The following FUT8 variants were observed in gnomAD, a reference collection of about 807,000 sequenced individuals.
FUT8 encodes alpha-(1,6)-fucosyltransferase.
In FUT8, 29 loss-of-function variants were observed where a neutral mutation model predicts 71.3. The ratio of observed to expected loss-of-function variants is 0.41; its 90% CI spans 0.30 to 0.55. FUT8 has a LOEUF of 0.55. Ranked by LOEUF, FUT8 falls within the 20% of genes least tolerant of loss-of-function variation. The pLI is 0.34. For missense variants in FUT8, 544 were observed against 702.1 expected (o/e 0.77, Z 2.55); for synonymous variants, 254 against 239.3 (o/e 1.06, Z -0.57).
intron 2 of FUT8, among the ~76,000 whole-genome samples, chr14:65,528,186 G>A: frequency 6.6e-6 from 1 of 152,222 alleles, no homozygotes; most frequent in East Asian, 1.9e-4. Context: ...TTGAGCTGCG[G>A]TGGACTCCAC....
intron 5 of FUT8, among the ~76,000 whole-genome samples, chr14:65,628,430 GGTGGAAGCAGGGAGACCTT>G (rs1202113919): frequency 6.6e-6 from 1 of 152,194 alleles, no homozygotes; most frequent in Non-Finnish European, 1.5e-5. Flanking sequence ...TGTAGGCAAT[GGTGGAAGCAGGGAGACCTT>G]GTTAGGAGGT....
chr14:65,725,345 C>T (rs1051888640), intron 9 of FUT8, among the ~76,000 whole-genome samples: 3 of 152,156 alleles, frequency 2.0e-5, no homozygotes, highest in African/African-American at 7.2e-5. Flanking sequence ...AATTACCCTA[C>T]AGTTGAGTAA....
chr14:65,700,274 C>T (rs1894215200), intron 7 of FUT8, among the ~76,000 whole-genome samples: 2 of 151,446 alleles, frequency 1.3e-5, no homozygotes, highest in Non-Finnish European at 2.9e-5. Context: ...AACATTTCAT[C>T]TCTGACTTTC....
chr14:65,426,807 A>G (rs1184352303), intron 1 of FUT8, among the ~76,000 whole-genome samples: 1 of 152,216 alleles, frequency 6.6e-6, no homozygotes, highest in Non-Finnish European at 1.5e-5. Context: ...TTAAAAGCTG[A>G]ATATGAATCC....
At chr14:65,462,874 C>T (rs77158535) in intron 2 of FUT8, among the ~76,000 whole-genome samples, 2,257 of 152,234 alleles carry the variant, frequency 0.015, 30 homozygotes, top group Non-Finnish European at 0.026. Flanking sequence ...GGAGAAAGGA[C>T]GGATTTTTAT....
In FUT8 at chr14:65,743,896, A is replaced by T. The variant is rs911760081; in HGVS notation, c.*1486A>T. On this transcript the variant is annotated 3_prime_UTR_variant, in exon 11 of 11. Transcript: ENST00000673929. ...AAATGTCATCTCTGTAGGAGCGACT[A>T]TCAGGCCTAGTGTGAAATATTAGGG... 2 of 151,976 alleles carry T rather than the reference A, an allele frequency of 1.3e-5. No homozygotes were observed. The highest frequency in any genetic ancestry group is 1.3e-4 in the Admixed American group (2 of 15,250). The allele number at this position is 151,976 out of a possible 1,614,324, so 9.4% of individuals were successfully genotyped here. A position where few individuals can be genotyped will look rare whatever the true frequency, so the allele number is the denominator to read the frequency against.
chr14:65,703,355 A>G (rs1224878286), intron 7 of FUT8, among the ~76,000 whole-genome samples: 3 of 152,150 alleles, frequency 2.0e-5, no homozygotes, highest in Non-Finnish European at 4.4e-5. Flanking sequence ...CTTTTGCTTC[A>G]TAGTTCTTTT....
intron 7 of FUT8, among the ~76,000 whole-genome samples, chr14:65,673,596 A>G (rs909871706): frequency 2.0e-5 from 3 of 152,224 alleles, no homozygotes; most frequent in Non-Finnish European, 4.4e-5. Flanking sequence ...AGTGGGCACA[A>G]CATGTAAAAA....
At chr14:65,526,614 G>A (rs538023658) in intron 2 of FUT8, among the ~76,000 whole-genome samples, 129 of 152,260 alleles carry the variant, frequency 8.5e-4, no homozygotes, top group African/African-American at 3.0e-3. Context: ...TATGATGTTA[G>A]CTGGTTATTT....
At chr14:65,454,656 A>G (rs2065872582) in intron 1 of FUT8, among the ~76,000 whole-genome samples, 1 of 152,322 alleles carries the variant, frequency 6.6e-6, no homozygotes, top group Admixed American at 6.5e-5. Context: ...AATCAGAGAA[A>G]AATCTCATGT....
chr14:65,630,521 T>G (rs927653896), intron 6 of FUT8, among the ~76,000 whole-genome samples: 1 of 152,188 alleles, frequency 6.6e-6, no homozygotes, highest in East Asian at 1.9e-4. Context: ...TTAAGTGATA[T>G]TAATCTGAAA....
chr14:65,663,667 A>G (rs961013808), intron 6 of FUT8, among the ~76,000 whole-genome samples: 2 of 152,092 alleles, frequency 1.3e-5, no homozygotes, highest in African/African-American at 4.8e-5. Flanking sequence ...AATCAAGCAT[A>G]ATGGATTTTC....
In FUT8 at chr14:65,467,110, A is replaced by G. The variant is rs2066056214; in HGVS notation, c.-228+11392A>G. Among the ~76,000 whole-genome samples, 1 of 152,032 alleles carries G rather than the reference A, an allele frequency of 6.6e-6. No individual in the cohort carries two copies. The highest frequency in any genetic ancestry group is 1.5e-5 in the Non-Finnish European group (1 of 67,994). ...TGTAATCCATATTTCTGATCTATATAATTTTCCTTCTTTCTGAATAACTTC... is the reference window on the plus strand; with the variant it reads ...TGTAATCCATATTTCTGATCTATATGATTTTCCTTCTTTCTGAATAACTTC... On this transcript the variant is annotated intron_variant, in intron 2 of 10. Coordinates refer to ENST00000673929, the MANE Select transcript of FUT8 (RefSeq NM_001371533.1). The surrounding 1 kb of genome is among the most constrained non-coding windows in gnomAD (Gnocchi z 4.1).
In FUT8 at chr14:65,552,226, C is replaced by CT. The variant is rs140647548; in HGVS notation, c.-227-9104dup. ...GAATGTTAGTTGCTGTAAGAAGAGG[C>CT]TTTTTTTCTTTTTTGGTTGTTTGTT... On this transcript the variant is annotated intron_variant, in intron 2 of 10. Coordinates refer to ENST00000673929, the MANE Select transcript of FUT8 (RefSeq NM_001371533.1). Among the ~76,000 whole-genome samples, 506 of 152,112 alleles carry CT rather than the reference C, an allele frequency of 3.3e-3. 17 individuals are homozygous for CT. The East Asian group carries it at 0.061, about 18-fold the overall frequency.
intron 1 of FUT8, among the ~76,000 whole-genome samples, chr14:65,421,782 G>C (rs535924475): frequency 1.7e-5 from 2 of 118,976 alleles, no homozygotes; most frequent in Non-Finnish European, 3.2e-5. Context: ...AGTCTTTTTC[G>C]TGATTTCCTT....
At chr14:65,397,286 C>G in the FUT8 span, among the ~76,000 whole-genome samples, 3 of 152,100 alleles carry the variant, frequency 2.0e-5, no homozygotes, top group African/African-American at 7.2e-5. The surrounding 1 kb of genome is among the most constrained non-coding windows in gnomAD (Gnocchi z 4.2). Flanking sequence ...TATAAAGGAG[C>G]ACAGTAACTT....
chr14:65,390,106 A>G, the FUT8 span, among the ~76,000 whole-genome samples: 20,251 of 151,148 alleles, frequency 0.13, 2,007 homozygotes, highest in East Asian at 0.54. Context: ...CACACACACC[A>G]CTGCACTTCA....
intron 7 of FUT8, among the ~76,000 whole-genome samples, chr14:65,677,723 C>T (rs914790474): frequency 6.6e-6 from 1 of 152,048 alleles, no homozygotes; most frequent in Admixed American, 6.5e-5. Flanking sequence ...GTACACTAGT[C>T]ATTCAGTAAA....
chr14:65,729,397 T>G (rs748697951), intron 9 of FUT8, among the ~76,000 whole-genome samples: 1 of 152,176 alleles, frequency 6.6e-6, no homozygotes, highest in Non-Finnish European at 1.5e-5. Context: ...TCTTCTAATA[T>G]TAGGCAGTCA....
Sources: allele counts gnomAD v4.1 joint callset (sites outside exome capture counted in the v4.1 genomes callset), GRCh38; gene constraint gnomAD v4.1.1; non-coding constraint Gnocchi (gnomAD v3.1); transcripts MANE v1.5; gene names NCBI Gene and HGNC (gene_info 2026-07-23, HGNC 2026-07-21).